OPA1: variants seen among roughly 807,000 people sequenced by gnomAD.
The protein encoded by OPA1 is OPA1 mitochondrial dynamin like GTPase, also known as dynamin-like GTPase OPA1, mitochondrial.
Under a neutral mutation model 152.9 loss-of-function variants are expected in OPA1, and 59 were observed. That is an observed-to-expected ratio of 0.39 (90% CI 0.31 to 0.48). The LOEUF is 0.48. Among genes scored for constraint, OPA1 ranks in the 20% least tolerant of loss-of-function variants. OPA1 has a pLI of 0.96. For missense variants in OPA1, 1,008 were observed against 1,216.8 expected (o/e 0.83, Z 2.55); for synonymous variants, 400 against 389.9 (o/e 1.03, Z -0.31).
At chr3:193,603,617 T>C (rs1264771837) in intron 1 of OPA1, 1 of 152,240 alleles carries the variant, frequency 6.6e-6, no homozygotes, top group African/African-American at 2.4e-5. Flanking sequence ...CAAAAGCATG[T>C]CTACTATCCG....
chr3:193,692,236 T>C (rs1469185983), intron 30 of OPA1, 104 bp downstream of exon 30: 11 of 698,964 alleles, frequency 1.6e-5, no homozygotes, highest in Non-Finnish European at 2.8e-5. Flanking sequence ...TTGTCACTTA[T>C]GCTGTAATTT....
intron 16 of OPA1, among the ~76,000 whole-genome samples, chr3:193,644,938 ACT>A (rs1436799727): frequency 3.3e-5 from 5 of 151,728 alleles, no homozygotes; most frequent in African/African-American, 1.2e-4. Flanking sequence ...GGGGGTAGAA[ACT>A]CTAACATATG....
chr3:193,666,005 A>C (rs189556850), intron 27 of OPA1, among the ~76,000 whole-genome samples: 1 of 152,216 alleles, frequency 6.6e-6, no homozygotes, highest in Non-Finnish European at 1.5e-5. Context: ...TGTGAATTTC[A>C]ACTTACATAC....
rs144199484 is a variant in OPA1, at chr3:193,625,544, A to T, written c.679-548A>T. ...TTTAAATAAAGAACCCCAAATTTTA[A>T]TCAAATGTATGCAAAGGCACATAGA... On this transcript the variant is annotated intron_variant, in intron 6 of 30. Coordinates refer to ENST00000361510, the MANE Select transcript of OPA1 (RefSeq NM_130837.3). Among the ~76,000 whole-genome samples the T allele has an allele frequency of 4.5e-3, 692 of 152,262 alleles. 4 individuals are homozygous for T. Among genetic ancestry groups the T allele is most frequent in the African/African-American group, 0.016 (664 of 41,584 alleles).
At chr3:193,643,740 C>G (rs1734126238) in intron 15 of OPA1, 113 bp downstream of exon 15, 1 of 1,018,560 alleles carries the variant, frequency 9.8e-7, no homozygotes, top group African/African-American at 1.6e-5. Context: ...GCATTTTTGC[C>G]TTCTCTTCGT....
chr3:193,661,937 C>A (rs1456026877), intron 25 of OPA1, among the ~76,000 whole-genome samples: 2 of 152,000 alleles, frequency 1.3e-5, no homozygotes, highest in Non-Finnish European at 2.9e-5. Context: ...ATTAGTAGTT[C>A]CATTTACAAG....
At chr3:193,693,036 A>C (rs1231999547) in intron 30 of OPA1, among the ~76,000 whole-genome samples, 4 of 152,244 alleles carry the variant, frequency 2.6e-5, no homozygotes, top group Non-Finnish European at 5.9e-5. Flanking sequence ...TTATCACTTC[A>C]AATATTTTGT....
rs771567298 is a variant in OPA1 at position 193,615,019 on chromosome 3, G to C, written c.329G>C (p.Gly110Ala). Residue 110 changes from glycine (G) to alanine (A), a missense_variant, in exon 2 of 31, where the codon GGG (glycine) becomes GCG (alanine). Gly to Ala is a moderately conservative substitution (Grantham distance 60). Around this residue, in one of 7 missense-constraint regions of OPA1, gnomAD observed 408 missense variants for 395.1 expected, o/e 1.03. Coordinates refer to ENST00000361510, the MANE Select transcript of OPA1 (RefSeq NM_130837.3). ...LRYLILGSAV[G>A]GGYTAKKTFD... ...TATCTCATACTAGGATCGGCTGTTG[G>C]GGGTGGCTACACAGCCAAAAAGGTG... 3 of 1,614,082 alleles carry C rather than the reference G, an allele frequency of 1.9e-6. No homozygotes were observed. The highest frequency in any genetic ancestry group is 1.7e-5 in the Admixed American group (1 of 60,028).
In OPA1 at chr3:193,605,182, G is replaced by C. The variant is rs1727074001; in HGVS notation, c.33-9541G>C. ...TATTGACTTTCTTTATGGAATGCTA[G>C]AGAAGGCTGAGCCAAGATCTATTAC... On this transcript the variant is annotated intron_variant, in intron 1 of 30. Coordinates refer to ENST00000361510, the MANE Select transcript of OPA1 (RefSeq NM_130837.3). Among the ~76,000 whole-genome samples the C allele has an allele frequency of 3.3e-5, 5 of 152,208 alleles. No individual in the cohort carries two copies. In the South Asian group the frequency reaches 1.0e-3, roughly 31 times the overall value.
intron 29 of OPA1, among the ~76,000 whole-genome samples, chr3:193,672,385 T>C (rs1054937934): frequency 1.3e-5 from 2 of 152,198 alleles, no homozygotes; most frequent in African/African-American, 4.8e-5. Context: ...AATTATTTTA[T>C]TGTTTTTTCT....
intron 16 of OPA1, among the ~76,000 whole-genome samples, 154 bp from the exon 17 acceptor site, chr3:193,645,398 TC>T (rs1489186427): frequency 2.6e-5 from 4 of 152,252 alleles, no homozygotes; most frequent in Non-Finnish European, 5.9e-5. Flanking sequence ...TGTATTTTTT[TC>T]AAATAGCAAT....
chr3:193,659,342 A>G (rs570528925), intron 24 of OPA1, 140 bp from the exon 25 acceptor site: 244 of 718,320 alleles, frequency 3.4e-4, no homozygotes, highest in South Asian at 5.0e-4. Context: ...CATATCAGTC[A>G]TGTGGGTTTT....
intron 26 of OPA1, among the ~76,000 whole-genome samples, chr3:193,663,492 T>C (rs559104050): frequency 6.6e-6 from 1 of 152,288 alleles, no homozygotes; most frequent in South Asian, 2.1e-4. Context: ...TACTTTTTGC[T>C]TACCTTCATG....
chr3:193,693,555 A>C (rs533068138), intron 30 of OPA1, among the ~76,000 whole-genome samples: 29 of 152,244 alleles, frequency 1.9e-4, no homozygotes, highest in Admixed American at 1.4e-3. Context: ...CAGGAGAATC[A>C]CTTGAACCTG....
chr3:193,668,874 A>C, intron 29 of OPA1: 1 of 1,055,948 alleles, frequency 9.5e-7, no homozygotes, highest in Non-Finnish European at 1.2e-6. Flanking sequence ...TTGAGAACTC[A>C]AGGAAATCAG....
At chr3:193,612,889 A>G (rs895945721) in intron 1 of OPA1, among the ~76,000 whole-genome samples, 4 of 152,206 alleles carry the variant, frequency 2.6e-5, no homozygotes, top group Admixed American at 6.5e-5. Context: ...CGGAGAGCTC[A>G]AAACACAAGT....
chr3:193,614,909 G>A lies in OPA1; in HGVS notation c.219G>A (p.Leu73=), dbSNP rs1296272210. The A allele has an allele frequency of 6.2e-7, 1 of 1,613,784 alleles. No individual in the cohort carries two copies. The highest frequency in any genetic ancestry group is 1.3e-5 in the African/African-American group (1 of 74,912). The change falls in exon 2 of 31, where the codon CTG becomes CTA. Residue 73 remains leucine (L), a synonymous_variant. Coordinates refer to ENST00000361510, the MANE Select transcript of OPA1 (RefSeq NM_130837.3). ...TGACAAACCTTCCTTTACGTAAACTGAAATTCTCTCCAATTAAATATGGCT... is the reference window on the plus strand; with the variant it reads ...TGACAAACCTTCCTTTACGTAAACTAAAATTCTCTCCAATTAAATATGGCT... ...SSLTNLPLRK[L]KFSPIKYGYQ...
At chr3:193,686,045 TA>T (rs60471435) in intron 29 of OPA1, among the ~76,000 whole-genome samples, 1 of 152,140 alleles carries the variant, frequency 6.6e-6, no homozygotes, top group African/African-American at 2.4e-5. Flanking sequence ...TAGGGATTCT[TA>T]AAAAAAATTT....
chr3:193,640,355 C>T (rs367741261), intron 11 of OPA1, among the ~76,000 whole-genome samples: 45 of 152,120 alleles, frequency 3.0e-4, no homozygotes, highest in African/African-American at 9.4e-4. Context: ...GGACAGTGTG[C>T]GCAAAGTCAG....
Sources: gnomAD v4.1 joint callset for allele counts (sites outside exome capture counted in the v4.1 genomes callset) on GRCh38, gnomAD v4.1.1 for gene constraint, gnomAD v4.1.1 regional missense constraint, MANE v1.5 for transcripts, NCBI Gene and HGNC (gene_info 2026-07-23, HGNC 2026-07-21) for gene names.